Variants in SEMA3C observed in about 807,000 individuals in gnomAD.
The protein encoded by SEMA3C is semaphorin 3C.
In SEMA3C, 47 loss-of-function variants were observed where a neutral mutation model predicts 89.4. That is an observed-to-expected ratio of 0.53 (90% CI 0.42 to 0.67). SEMA3C has a LOEUF of 0.67. Among genes scored for constraint, SEMA3C ranks in the 30% least tolerant of loss-of-function variants. SEMA3C has a pLI of 0.00. For synonymous variants in SEMA3C, 310 were observed against 320.2 expected (o/e 0.97, Z 0.34); for missense variants, 839 against 929.1 (o/e 0.90, Z 1.26).
chr7:80,920,740 T>C (rs2116276558), upstream of SEMA3C, among the ~76,000 whole-genome samples: 1 of 152,340 alleles, frequency 6.6e-6, no homozygotes, highest in South Asian at 2.1e-4. Context: ...CATAAATTTG[T>C]AATAAGGAAT....
chr7:80,913,128 C>G (rs1792191272), intron 2 of SEMA3C, among the ~76,000 whole-genome samples: 1 of 152,176 alleles, frequency 6.6e-6, no homozygotes, highest in African/African-American at 2.4e-5. Context: ...GGGCCAGGCG[C>G]AGTGGCTCAC....
At chr7:80,877,246 T>A (rs1562919438) in intron 2 of SEMA3C, among the ~76,000 whole-genome samples, 1 of 152,188 alleles carries the variant, frequency 6.6e-6, no homozygotes, top group Non-Finnish European at 1.5e-5. Context: ...GAAACATGCA[T>A]ACATCACTCC....
chr7:80,761,472 T>G (rs1382365219), intron 14 of SEMA3C, 144 bp downstream of exon 14: 1 of 467,112 alleles, frequency 2.1e-6, no homozygotes, highest in Non-Finnish European at 3.9e-6. Context: ...ACATCAAAAT[T>G]AAAGGTGACT....
At chr7:80,916,577 T>C (rs866753843) in intron 2 of SEMA3C, 102 bp downstream of exon 2, 1 of 1,013,826 alleles carries the variant, frequency 9.9e-7, no homozygotes, top group African/African-American at 1.7e-5. Context: ...TTTTTAAAAT[T>C]AATATCCAGT....
chr7:80,817,343 ATATT>A (rs1789632384), intron 5 of SEMA3C, among the ~76,000 whole-genome samples: 1 of 152,222 alleles, frequency 6.6e-6, no homozygotes, highest in African/African-American at 2.4e-5. Context: ...ATCAGTAGAC[ATATT>A]TATTTTTTTC....
At position 80,810,633 on chromosome 7, in the gene SEMA3C, C is replaced by A; in HGVS notation, c.516G>T (p.Val172=). 6.2e-7 allele frequency: 1 copy of A among 1,613,674 alleles called. No individual in the cohort carries two copies. The highest frequency in any genetic ancestry group is 8.5e-7 in the Non-Finnish European group (1 of 1,179,678). Residue 172 remains valine (V), a synonymous_variant, in exon 6 of 18, where the codon GTG becomes GTT. Coordinates refer to ENST00000265361, the MANE Select transcript of SEMA3C (RefSeq NM_006379.5). ...GKGRCSFNPN[V]NTVSVMINEE... is the part of the protein sequence containing the mutation. The stretch of plus-strand genomic sequence containing the variant: ...TACTGATCATAACAGACACCGTGTT[C>A]ACGTTGGGGTTGAAAGAGCAGCGTC...
chr7:80,754,228 C>G (rs866540953), intron 15 of SEMA3C, among the ~76,000 whole-genome samples: 13 of 152,088 alleles, frequency 8.5e-5, no homozygotes, highest in African/African-American at 2.9e-4. Context: ...TGGGCCACTG[C>G]GCCCGGCATG....
chr7:80,919,205 C>A, upstream of SEMA3C: 1 of 985,066 alleles, frequency 1.0e-6, no homozygotes, highest in Non-Finnish European at 1.2e-6. Flanking sequence ...CGAGGCCCCA[C>A]CCCGAGCGCG....
chr7:80,889,094 C>T (rs747783003), intron 2 of SEMA3C, among the ~76,000 whole-genome samples: 6 of 152,168 alleles, frequency 3.9e-5, no homozygotes, highest in Non-Finnish European at 7.3e-5. Context: ...AACTCCCCAC[C>T]TCAGGTGATC....
intron 12 of SEMA3C, among the ~76,000 whole-genome samples, chr7:80,768,667 G>GGT (rs776553605): frequency 6.6e-6 from 1 of 152,174 alleles, no homozygotes; most frequent in Non-Finnish European, 1.5e-5. Context: ...TGTGGTTGGA[G>GGT]GTGTTCCTTA....
intron 6 of SEMA3C, among the ~76,000 whole-genome samples, chr7:80,807,133 T>A (rs1037406114): frequency 6.6e-6 from 1 of 152,178 alleles, no homozygotes; most frequent in Non-Finnish European, 1.5e-5. Context: ...GAGGCTTATA[T>A]ACACACAGAT....
At chr7:80,895,640 T>C (rs530426341) in intron 2 of SEMA3C, among the ~76,000 whole-genome samples, 1 of 152,280 alleles carries the variant, frequency 6.6e-6, no homozygotes, top group Non-Finnish European at 1.5e-5. Flanking sequence ...TTGCAGAGAT[T>C]ATTAAATTTA....
chr7:80,827,293 T>C (rs780383002), intron 4 of SEMA3C, 132 bp downstream of exon 4: 8 of 887,524 alleles, frequency 9.0e-6, no homozygotes, highest in African/African-American at 1.8e-5. Flanking sequence ...TTTAGGTTTT[T>C]AGCCTGTGTC....
At chr7:80,913,058 T>TTA (rs760563444) in intron 2 of SEMA3C, among the ~76,000 whole-genome samples, 17 of 152,126 alleles carry the variant, frequency 1.1e-4, no homozygotes, top group Non-Finnish European at 1.8e-4. Context: ...GGCAGCTTTA[T>TTA]TACTAAAAAT....
chr7:80,860,429 T>C (rs1341427565), intron 2 of SEMA3C, among the ~76,000 whole-genome samples: 2 of 152,172 alleles, frequency 1.3e-5, no homozygotes, highest in African/African-American at 4.8e-5. Flanking sequence ...TCCATTAACA[T>C]GTGGCTCTGG....
intron 13 of SEMA3C, among the ~76,000 whole-genome samples, chr7:80,763,238 T>C (rs1788225975): frequency 6.6e-6 from 1 of 152,244 alleles, no homozygotes; most frequent in East Asian, 1.9e-4. Context: ...TTTTCTGCAG[T>C]ACATCAGTGT....
At chr7:80,882,076 G>A (rs1051084769) in intron 2 of SEMA3C, among the ~76,000 whole-genome samples, 1 of 152,104 alleles carries the variant, frequency 6.6e-6, no homozygotes, top group South Asian at 2.1e-4. Context: ...TTCCTTCACT[G>A]TCCATCCACG....
chr7:80,789,036 A>G (rs1237936244), intron 12 of SEMA3C, among the ~76,000 whole-genome samples: 1 of 152,142 alleles, frequency 6.6e-6, no homozygotes, highest in Non-Finnish European at 1.5e-5. Flanking sequence ...CAAATTGCCA[A>G]GAAAATCATA....
intron 6 of SEMA3C, among the ~76,000 whole-genome samples, chr7:80,806,044 C>T (rs543578434): frequency 6.6e-6 from 1 of 151,858 alleles, no homozygotes; most frequent in East Asian, 1.9e-4. Context: ...CTTAATTATA[C>T]TATATATTAA....
Sources: allele counts gnomAD v4.1 joint callset (sites outside exome capture counted in the v4.1 genomes callset), GRCh38; gene constraint gnomAD v4.1.1; transcripts MANE v1.5; gene names NCBI Gene and HGNC (gene_info 2026-07-23, HGNC 2026-07-21).